Variants in ARID3B observed in about 807,000 individuals in gnomAD.
ARID3B encodes AT-rich interactive domain-containing protein 3B.
Under a neutral mutation model 51.9 loss-of-function variants are expected in ARID3B, and 10 were observed. The ratio of observed to expected loss-of-function variants is 0.19; its 90% confidence interval spans 0.12 to 0.33. The LOEUF is 0.33. ARID3B is among the 10% of genes least tolerant of loss of function. The probability of loss-of-function intolerance (pLI) is 1.00; values close to 1 mark genes in which losing one functional copy is unlikely to be tolerated. For synonymous variants in ARID3B, 205 were observed against 279.5 expected, an observed-to-expected ratio of 0.73 and a Z score of 2.66; for missense variants, 483 against 716.3, an observed-to-expected ratio of 0.67 and a Z score of 3.72.
At chr15:74,542,880 T>G (rs1277808676) in intron 1 of ARID3B, among the ~76,000 whole-genome samples, 1 of 151,972 alleles carries the variant, frequency 6.6e-6, no homozygotes. Context: ...GGTGTGAAAG[T>G]GATGTGTGTT....
intron 4 of ARID3B, 60 bp from the exon 5 acceptor site, chr15:74,589,760 A>G: frequency 6.6e-7 from 1 of 1,517,996 alleles, no homozygotes; most frequent in Non-Finnish European, 9.0e-7. Context: ...CATACACGGA[A>G]TCTTTCTTCT....
intron 2 of ARID3B, among the ~76,000 whole-genome samples, chr15:74,565,309 C>T (rs2061693560): frequency 6.6e-6 from 1 of 152,156 alleles, no homozygotes; most frequent in Non-Finnish European, 1.5e-5. Flanking sequence ...ACCTCAGCCT[C>T]CTAAAGTGCT....
intron 2 of ARID3B, among the ~76,000 whole-genome samples, chr15:74,564,934 G>C (rs954891451): frequency 2.0e-5 from 3 of 151,988 alleles, no homozygotes; most frequent in Non-Finnish European, 4.4e-5. Flanking sequence ...ATTACTTTGA[G>C]GTTCAGGTCC....
At chr15:74,570,159 A>G (rs1267739296) in intron 2 of ARID3B, among the ~76,000 whole-genome samples, 1 of 152,098 alleles carries the variant, frequency 6.6e-6, no homozygotes, top group Non-Finnish European at 1.5e-5. Flanking sequence ...AGGCCTCACC[A>G]TCTGACTGTC....
intron 7 of ARID3B, 52 bp from the exon 8 acceptor site, chr15:74,593,086 A>G: frequency 1.3e-6 from 2 of 1,548,038 alleles, no homozygotes; most frequent in Non-Finnish European, 1.8e-6. Context: ...AGAGGACAAC[A>G]GGAGTGCTGT....
At chr15:74,593,040 G>A (rs1596265768) in intron 7 of ARID3B, 98 bp from the exon 8 acceptor site, 21 of 1,002,394 alleles carry the variant, frequency 2.1e-5, no homozygotes, top group South Asian at 1.7e-4. Context: ...TTTTAACAGC[G>A]TGAGGCTTTG....
chr15:74,593,007 C>T (rs1017339211), intron 7 of ARID3B, 131 bp from the exon 8 acceptor site: 7 of 692,458 alleles, frequency 1.0e-5, no homozygotes, highest in Admixed American at 2.5e-5. Context: ...ACCCTACACT[C>T]AGGAGAAGGT....
chr15:74,565,568 G>A (rs955754610), intron 2 of ARID3B, among the ~76,000 whole-genome samples: 1 of 152,178 alleles, frequency 6.6e-6, no homozygotes, highest in Admixed American at 6.5e-5. Context: ...GGACATCTGA[G>A]CTGTGCTTTA....
At chr15:74,577,612 C>T (rs1414635116) in intron 4 of ARID3B, among the ~76,000 whole-genome samples, 1 of 152,112 alleles carries the variant, frequency 6.6e-6, no homozygotes, top group Non-Finnish European at 1.5e-5. Context: ...CCTTGACCTC[C>T]CCAGGCTCAG....
chr15:74,557,397 AGT>A (rs370652412), intron 2 of ARID3B, among the ~76,000 whole-genome samples: 377 of 152,054 alleles, frequency 2.5e-3, no homozygotes, highest in African/African-American at 8.9e-3. Context: ...CCTGGATGAG[AGT>A]GAGACCCTGT....
intron 4 of ARID3B, among the ~76,000 whole-genome samples, chr15:74,582,284 C>T (rs967409090): frequency 2.0e-5 from 3 of 152,076 alleles, no homozygotes; most frequent in African/African-American, 7.2e-5. Context: ...TCTCCTGCCT[C>T]AGCCTCCCGA....
intron 2 of ARID3B, among the ~76,000 whole-genome samples, chr15:74,566,416 A>G (rs1294742651): frequency 6.6e-6 from 1 of 151,984 alleles, no homozygotes; most frequent in African/African-American, 2.4e-5. Context: ...CCTGGCCAAC[A>G]TGGTAAAACC....
chr15:74,569,457 T>C (rs1186438017), intron 2 of ARID3B, among the ~76,000 whole-genome samples: 1 of 152,134 alleles, frequency 6.6e-6, no homozygotes, highest in Non-Finnish European at 1.5e-5. Context: ...CGTACTGGCA[T>C]GTACCTGTAG....
At chr15:74,543,651 CCT>C (rs1018641189) in intron 1 of ARID3B, among the ~76,000 whole-genome samples, 2 of 152,048 alleles carry the variant, frequency 1.3e-5, no homozygotes, top group Non-Finnish European at 2.9e-5. Context: ...CCCTATTTCC[CCT>C]CTTAGATCCT....
At chr15:74,553,539 A>G (rs2061645676) in intron 2 of ARID3B, among the ~76,000 whole-genome samples, 2 of 152,184 alleles carry the variant, frequency 1.3e-5, no homozygotes, top group African/African-American at 4.8e-5. Flanking sequence ...TGGGTTGTTA[A>G]AAGTATTTTT....
rs2061803010 is a variant in ARID3B at position 74,591,480 on chromosome 15, G to A, written c.1165+46G>A. 8 of 1,593,052 alleles carry A rather than the reference G, an allele frequency of 5.0e-6. No homozygotes were observed. In the East Asian group the frequency reaches 1.8e-4, roughly 36 times the overall value. ...AGAAGGAAGAAAGGGAGGAAGGGAT[G>A]CCAGTTCCCTGTGTTCAAGACTGGG... On this transcript the variant is annotated intron_variant, in intron 6 of 8. Transcript: ENST00000346246. The surrounding 1 kb of genome is among the most constrained non-coding windows in gnomAD (Gnocchi z 5.8).
rs1035104258 is a variant in ARID3B at position 74,595,788 on chromosome 15, G to A, written c.*14G>A. 23 of 1,600,074 alleles carry A rather than the reference G, an allele frequency of 1.4e-5. No homozygotes were observed. The highest frequency in any genetic ancestry group is 2.0e-5 in the Non-Finnish European group (23 of 1,171,746). ...TGGTCCCTCTGATGGGCAGGACCCA[G>A]CTTCCCACTTGCCACTCTCCTGTCG... is the stretch of plus-strand genomic sequence containing the variant. On this transcript the variant is annotated 3_prime_UTR_variant, in exon 9 of 9. Transcript: ENST00000346246.
At chr15:74,566,473 C>T (rs1019200589) in intron 2 of ARID3B, among the ~76,000 whole-genome samples, 9 of 151,796 alleles carry the variant, frequency 5.9e-5, no homozygotes, top group Non-Finnish European at 1.0e-4. Context: ...CATGGTGGCG[C>T]GTGCCTGTAA....
chr15:74,589,740 T>C (rs1386992676), intron 4 of ARID3B, 80 bp from the exon 5 acceptor site: 1 of 1,420,772 alleles, frequency 7.0e-7, no homozygotes, highest in East Asian at 2.3e-5. Context: ...CCAGCTCGGC[T>C]AAAGGTGGGC....
Sources: allele counts gnomAD v4.1 joint callset (sites outside exome capture counted in the v4.1 genomes callset), GRCh38; gene constraint gnomAD v4.1.1; non-coding constraint Gnocchi (gnomAD v3.1); transcripts MANE v1.5; gene names NCBI Gene and HGNC (gene_info 2026-07-23, HGNC 2026-07-21).